The following CPPED1 variants were observed in gnomAD, a reference collection of about 807,000 sequenced individuals.
The protein encoded by CPPED1 is calcineurin like phosphoesterase domain containing 1, also known as serine/threonine-protein phosphatase CPPED1.
Under a neutral mutation model 28.0 loss-of-function variants are expected in CPPED1, and 28 were observed. That is an observed-to-expected ratio of 1.00 (90% CI 0.74 to 1.37). The LOEUF is 1.37. CPPED1 is among the 40% of genes most tolerant of loss of function. The pLI, the probability that CPPED1 is intolerant of heterozygous loss-of-function variation, is 0.00. For synonymous variants in CPPED1, 198 were observed against 180.2 expected (o/e 1.10, Z -0.79); for missense variants, 504 against 416.5 (o/e 1.21, Z -1.83).
intron 2 of CPPED1, among the ~76,000 whole-genome samples, chr16:12,726,329 T>G (rs891015526): frequency 1.4e-4 from 19 of 139,186 alleles, no homozygotes; most frequent in Non-Finnish European, 2.1e-4. Context: ...TGTGAGCCAC[T>G]GCACCCAGCC....
chr16:12,780,549 T>C (rs747943325), intron 2 of CPPED1, among the ~76,000 whole-genome samples: 2 of 152,080 alleles, frequency 1.3e-5, no homozygotes, highest in Non-Finnish European at 2.9e-5. Context: ...GATACAAATG[T>C]AGACCTCCCA....
At chr16:12,742,530 C>T (rs144342776) in intron 2 of CPPED1, among the ~76,000 whole-genome samples, 1 of 152,306 alleles carries the variant, frequency 6.6e-6, no homozygotes, top group African/African-American at 2.4e-5. Flanking sequence ...TGAATGCCTG[C>T]CACCTTCCTC....
intron 2 of CPPED1, among the ~76,000 whole-genome samples, chr16:12,724,799 T>C (rs1224475430): frequency 6.6e-6 from 1 of 152,208 alleles, no homozygotes; most frequent in African/African-American, 2.4e-5. Context: ...CTTTTTCTTT[T>C]TTTTTGAGAC....
chr16:12,688,402 C>T (rs1221782020), intron 3 of CPPED1, among the ~76,000 whole-genome samples: 2 of 139,406 alleles, frequency 1.4e-5, no homozygotes, highest in East Asian at 2.1e-4. Flanking sequence ...GCAAAATTTT[C>T]GCTCATTGCA....
chr16:12,704,736 G>C lies in CPPED1; in HGVS notation c.603C>G (p.Ile201Met), dbSNP rs749114972. The C allele has an allele frequency of 2.5e-6, 4 of 1,614,082 alleles. No homozygotes were observed. The Admixed American group carries it at 6.7e-5, about 27-fold the overall frequency. The change falls in exon 3 of 4, where the codon ATC (isoleucine) becomes ATG (methionine). Residue 201 changes from isoleucine (I) to methionine (M), a missense_variant. By Grantham distance (10) the Ile-to-Met change is conservative. Coordinates refer to ENST00000381774, the MANE Select transcript of CPPED1 (RefSeq NM_018340.3). ...IARQRHCQHA[I>M]VFQHIPLFLE... ...GGAACAGCGGGATGTGCTGGAAGAC[G>C]ATGGCATGCTGGCAGTGCCGCTGCC...
At chr16:12,721,474 T>C (rs1473331630) in intron 2 of CPPED1, among the ~76,000 whole-genome samples, 1 of 152,134 alleles carries the variant, frequency 6.6e-6, no homozygotes, top group Non-Finnish European at 1.5e-5. Context: ...AGGCCGGGGC[T>C]GGGCAGGATG....
intron 3 of CPPED1, among the ~76,000 whole-genome samples, chr16:12,677,660 T>C (rs778719527): frequency 6.6e-6 from 1 of 152,134 alleles, no homozygotes; most frequent in Non-Finnish European, 1.5e-5. Context: ...AAAAAGGAAG[T>C]GCCACGGTCG....
At chr16:12,775,175 T>C (rs2080490640) in intron 2 of CPPED1, among the ~76,000 whole-genome samples, 1 of 152,138 alleles carries the variant, frequency 6.6e-6, no homozygotes, top group Middle Eastern at 3.4e-3. Flanking sequence ...CCCCTCCCCA[T>C]GTGATGTTCT....
At chr16:12,738,391 G>T (rs1246238717) in intron 2 of CPPED1, among the ~76,000 whole-genome samples, 3 of 151,894 alleles carry the variant, frequency 2.0e-5, no homozygotes. Context: ...CTTCCAAAAT[G>T]TCTTTTGATT....
chr16:12,694,738 G>T (rs1369808310), intron 3 of CPPED1, among the ~76,000 whole-genome samples: 3 of 125,756 alleles, frequency 2.4e-5, no homozygotes, highest in Non-Finnish European at 4.8e-5. Flanking sequence ...AGGTGGGGGG[G>T]GGGGCGGGGG....
chr16:12,750,551 C>T (rs2080320887), intron 2 of CPPED1, among the ~76,000 whole-genome samples: 1 of 152,154 alleles, frequency 6.6e-6, no homozygotes, highest in Non-Finnish European at 1.5e-5. Context: ...TGGTTTGTGG[C>T]ACCCCAGAAT....
At chr16:12,716,325 C>T (rs2080106932) in intron 2 of CPPED1, among the ~76,000 whole-genome samples, 2 of 152,224 alleles carry the variant, frequency 1.3e-5, no homozygotes, top group Non-Finnish European at 2.9e-5. Flanking sequence ...CTTCTGGGCA[C>T]TTGGTACACA....
chr16:12,787,908 C>T (rs1258123342), intron 1 of CPPED1, among the ~76,000 whole-genome samples: 4 of 152,160 alleles, frequency 2.6e-5, no homozygotes, highest in African/African-American at 4.8e-5. Flanking sequence ...AAGTGTTGGT[C>T]AATGCTGAGG....
intron 1 of CPPED1, among the ~76,000 whole-genome samples, chr16:12,799,894 C>T (rs2080648894): frequency 2.0e-5 from 3 of 152,304 alleles, no homozygotes; most frequent in East Asian, 1.9e-4. Flanking sequence ...TAGATTTACT[C>T]GGGGCTAAGA....
chr16:12,798,974 T>G lies in CPPED1; in HGVS notation c.70+4733A>C, dbSNP rs541204786. Among the ~76,000 whole-genome samples, 4 of 152,290 alleles carry G rather than the reference T, an allele frequency of 2.6e-5. No individual in the cohort carries two copies. The East Asian group carries it at 7.7e-4, about 29-fold the overall frequency. On this transcript the variant is annotated intron_variant, in intron 1 of 3. Coordinates refer to ENST00000381774, the MANE Select transcript of CPPED1 (RefSeq NM_018340.3). Reference sequence around the variant, plus strand: ...GCACATTATGTTAACAGGGAACGGATGACTGAAACCAAGTGTCACACATAC... The same window carrying G: ...GCACATTATGTTAACAGGGAACGGAGGACTGAAACCAAGTGTCACACATAC...
chr16:12,717,550 C>T (rs2080113825), intron 2 of CPPED1, among the ~76,000 whole-genome samples: 1 of 152,164 alleles, frequency 6.6e-6, no homozygotes, highest in Non-Finnish European at 1.5e-5. Flanking sequence ...AGGCGTGAGC[C>T]ACCGTGCCCG....
chr16:12,702,104 T>C (rs4781323), intron 3 of CPPED1, among the ~76,000 whole-genome samples: 86,381 of 151,940 alleles, frequency 0.57, 24,808 homozygotes, highest in Admixed American at 0.64. Flanking sequence ...GCTGGGATAA[T>C]TGGAGACACA....
At chr16:12,735,294 AT>A (rs2080220809) in intron 2 of CPPED1, among the ~76,000 whole-genome samples, 1 of 152,110 alleles carries the variant, frequency 6.6e-6, no homozygotes, top group South Asian at 2.1e-4. Flanking sequence ...TTCCCCAAAA[AT>A]ATATATATTT....
chr16:12,677,404 C>G (rs1243673505), intron 3 of CPPED1, among the ~76,000 whole-genome samples: 1 of 152,178 alleles, frequency 6.6e-6, no homozygotes, highest in Admixed American at 6.5e-5. Context: ...TTTGGGAGGC[C>G]GAGGCGTGCA....
Sources: gnomAD v4.1 joint callset for allele counts (sites outside exome capture counted in the v4.1 genomes callset) on GRCh38, gnomAD v4.1.1 for gene constraint, MANE v1.5 for transcripts, NCBI Gene and HGNC (gene_info 2026-07-23, HGNC 2026-07-21) for gene names.